Variants in NR3C2 observed in about 807,000 individuals in gnomAD.
NR3C2 encodes mineralocorticoid receptor.
A neutral mutation model predicts 86.4 loss-of-function variants in NR3C2; 15 were observed. The observed-to-expected ratio is 0.17, with a 90% CI of 0.12 to 0.27. The LOEUF (loss-of-function observed/expected upper bound fraction) is 0.27. NR3C2 is among the 10% of genes least tolerant of loss of function. The pLI, the probability that NR3C2 is intolerant of heterozygous loss-of-function variation, is 1.00. For synonymous variants in NR3C2, 458 were observed against 450.5 expected (o/e 1.02, Z -0.21); for missense variants, 960 against 1,195.6 (o/e 0.80, Z 2.91).
intron 2 of NR3C2, among the ~76,000 whole-genome samples, chr4:148,327,449 C>A (rs72656807): frequency 7.2e-5 from 11 of 152,108 alleles, no homozygotes; most frequent in Admixed American, 2.0e-4. Flanking sequence ...AAAAAGAAAC[C>A]CTAATCGGAT....
intron 6 of NR3C2, among the ~76,000 whole-genome samples, chr4:148,140,110 G>T (rs1733538777): frequency 6.6e-6 from 1 of 152,166 alleles, no homozygotes; most frequent in Non-Finnish European, 1.5e-5. Flanking sequence ...GCCTTCCTTT[G>T]TTTTAGAGTT....
intron 7 of NR3C2, among the ~76,000 whole-genome samples, chr4:148,114,979 T>C (rs1732206766): frequency 6.6e-6 from 1 of 152,142 alleles, no homozygotes; most frequent in Non-Finnish European, 1.5e-5. Context: ...TACATCAAAA[T>C]ATATTTTCCT....
chr4:148,188,096 T>C (rs1736020996), intron 4 of NR3C2, among the ~76,000 whole-genome samples: 1 of 152,200 alleles, frequency 6.6e-6, no homozygotes, highest in Non-Finnish European at 1.5e-5. Flanking sequence ...ATACCGGTAC[T>C]ACACTGTTTT....
chr4:148,221,738 C>CA (rs1200869781), intron 3 of NR3C2, among the ~76,000 whole-genome samples: 2 of 151,628 alleles, frequency 1.3e-5, no homozygotes, highest in African/African-American at 4.8e-5. Context: ...ACTAGAAATA[C>CA]AAAAAATTAG....
chr4:148,095,525 T>A (rs1221585281), intron 8 of NR3C2, among the ~76,000 whole-genome samples: 1 of 152,020 alleles, frequency 6.6e-6, no homozygotes, highest in Non-Finnish European at 1.5e-5. Context: ...TTTTGGAGAG[T>A]CCTGAAGCCC....
chr4:148,324,331 C>CTGTGTGTGTG (rs374839889), intron 2 of NR3C2, among the ~76,000 whole-genome samples: 99 of 141,916 alleles, frequency 7.0e-4, no homozygotes, highest in Non-Finnish European at 1.3e-3. Context: ...TAATATTCCT[C>CTGTGTGTGTG]TGTGTGTGTG....
intron 2 of NR3C2, among the ~76,000 whole-genome samples, chr4:148,384,268 A>C (rs1216491037): frequency 6.6e-6 from 1 of 152,106 alleles, no homozygotes; most frequent in African/African-American, 2.4e-5. Flanking sequence ...TAATTTTCAA[A>C]TTATCAATAT....
At chr4:148,410,545 C>G (rs1187349867) in intron 2 of NR3C2, among the ~76,000 whole-genome samples, 1 of 152,186 alleles carries the variant, frequency 6.6e-6, no homozygotes, top group Non-Finnish European at 1.5e-5. Context: ...CCTAGTTTAA[C>G]TGCAGAAGCT....
At chr4:148,097,751 G>GTTTTTTTTTTTTT (rs553156519) in intron 8 of NR3C2, among the ~76,000 whole-genome samples, 4 of 102,898 alleles carry the variant, frequency 3.9e-5, no homozygotes, top group African/African-American at 5.4e-5. Flanking sequence ...GTTTTTTTTT[G>GTTTTTTTTTTTTT]TTTTTTTTTT....
At chr4:148,313,962 T>C (rs748177709) in intron 2 of NR3C2, among the ~76,000 whole-genome samples, 6 of 152,176 alleles carry the variant, frequency 3.9e-5, no homozygotes, top group Non-Finnish European at 8.8e-5. Context: ...AGGTAAGTGA[T>C]GGAAGGGTCT....
At chr4:148,130,336 A>G (rs1227488964) in intron 6 of NR3C2, among the ~76,000 whole-genome samples, 1 of 152,202 alleles carries the variant, frequency 6.6e-6, no homozygotes, top group Non-Finnish European at 1.5e-5. Context: ...TCTTCCACCT[A>G]TGGGAACCTA....
chr4:148,119,614 C>A (rs1001533639), intron 7 of NR3C2, among the ~76,000 whole-genome samples: 5 of 152,088 alleles, frequency 3.3e-5, no homozygotes, highest in Non-Finnish European at 5.9e-5. Flanking sequence ...GGTGAAAGCC[C>A]ATCTCTACTA....
intron 3 of NR3C2, among the ~76,000 whole-genome samples, chr4:148,198,376 G>A (rs551994612): frequency 1.3e-5 from 2 of 151,996 alleles, no homozygotes; most frequent in Admixed American, 6.6e-5. Flanking sequence ...TACTTGGCCT[G>A]GTCCCAACTG....
intron 2 of NR3C2, among the ~76,000 whole-genome samples, chr4:148,329,167 T>G (rs1364748215): frequency 6.6e-6 from 1 of 152,210 alleles, no homozygotes; most frequent in East Asian, 1.9e-4. Flanking sequence ...TGGAGTAGCA[T>G]GGTGATATCC....
intron 3 of NR3C2, among the ~76,000 whole-genome samples, chr4:148,200,568 T>C (rs147402204): frequency 2.8e-3 from 427 of 152,342 alleles, no homozygotes; most frequent in African/African-American, 9.6e-3. Context: ...GATCTCTTGG[T>C]TAAACTTCTG....
chr4:148,164,200 C>T, intron 4 of NR3C2, among the ~76,000 whole-genome samples: 1 of 152,124 alleles, frequency 6.6e-6, no homozygotes, highest in East Asian at 1.9e-4. Context: ...ACAGTTCAGG[C>T]TTTTTGCTTT....
chr4:148,143,805 G>C (rs1379297626), intron 6 of NR3C2, among the ~76,000 whole-genome samples: 1 of 152,040 alleles, frequency 6.6e-6, no homozygotes, highest in African/African-American at 2.4e-5. Flanking sequence ...AAATTAACCA[G>C]GTGTGGTGGC....
chr4:148,308,793 C>T (rs1416480024), intron 2 of NR3C2, among the ~76,000 whole-genome samples: 1 of 152,034 alleles, frequency 6.6e-6, no homozygotes, highest in Non-Finnish European at 1.5e-5. Context: ...CGAGACCAGC[C>T]TGAGCAACAC....
intron 6 of NR3C2, among the ~76,000 whole-genome samples, chr4:148,143,947 C>CTAA (rs1733742644): frequency 1.6e-5 from 1 of 64,424 alleles, no homozygotes; most frequent in African/African-American, 6.7e-5. Context: ...AACTCTGTCT[C>CTAA]AAAAAAAAAA....
Sources: gnomAD v4.1 joint callset for allele counts (sites outside exome capture counted in the v4.1 genomes callset) on GRCh38, gnomAD v4.1.1 for gene constraint, MANE v1.5 for transcripts, NCBI Gene and HGNC (gene_info 2026-07-23, HGNC 2026-07-21) for gene names.